Variants in FBXO25 observed in about 807,000 individuals in gnomAD.
FBXO25 encodes the protein F-box protein 25.
FBXO25 carries 45 observed loss-of-function variants against 51.9 expected under a neutral mutation model. That is an observed-to-expected ratio of 0.87 (90% confidence interval 0.68 to 1.11). The LOEUF is 1.11. Ranked by LOEUF, FBXO25 falls within the 50% of genes most tolerant of loss-of-function variation. FBXO25 has a pLI of 0.00. For synonymous variants in FBXO25, 199 were observed against 151.0 expected (o/e 1.32, Z -2.33); for missense variants, 507 against 428.5 (o/e 1.18, Z -1.62).
intron 4 of FBXO25, among the ~76,000 whole-genome samples, chr8:434,174 C>G (rs572999773): frequency 1.3e-5 from 2 of 152,258 alleles, no homozygotes; most frequent in South Asian, 2.1e-4. Flanking sequence ...CGTCATGTCT[C>G]CATACCCTCA....
At chr8:442,977 A>G (rs750119339) in intron 5 of FBXO25, among the ~76,000 whole-genome samples, 1 of 152,206 alleles carries the variant, frequency 6.6e-6, no homozygotes, top group Non-Finnish European at 1.5e-5. Flanking sequence ...TTAGCAAAGT[A>G]TGTTAACGCT....
At chr8:415,719 G>A (rs1449432916) in intron 2 of FBXO25, among the ~76,000 whole-genome samples, 2 of 152,172 alleles carry the variant, frequency 1.3e-5, no homozygotes, top group East Asian at 1.9e-4. Flanking sequence ...GGGAAATGGT[G>A]TAAGTAAATA....
rs1798061379 is a variant in FBXO25 at position 435,634 on chromosome 8, T to TG, written c.311dup (p.Glu105ArgfsTer4). The stretch of plus-strand genomic sequence containing the variant: ...TTCCAGAGGCATGGCTATTGCACCT[T>TG]GGGAGAAGCCTTTAATCGGTTAGAC... On this transcript the variant is annotated frameshift_variant, in exon 5 of 10. Transcript: ENST00000350302. LOFTEE classifies it high-confidence loss of function. The TG allele has an allele frequency of 6.2e-7, 1 of 1,606,258 alleles. No individual in the cohort carries two copies. The highest frequency in any genetic ancestry group is 1.1e-5 in the South Asian group (1 of 89,032).
At chr8:468,278 T>C (rs1218452069) in intron 9 of FBXO25, 3 of 1,015,480 alleles carry the variant, frequency 3.0e-6, no homozygotes, top group Non-Finnish European at 3.5e-6. Context: ...CCCAAGCTGA[T>C]TCAGGGATGA....
intron 2 of FBXO25, among the ~76,000 whole-genome samples, chr8:417,369 A>G (rs1487941192): frequency 3.3e-5 from 5 of 152,184 alleles, no homozygotes. Flanking sequence ...GGTTGGGTTA[A>G]CCCCCATGGG....
intron 9 of FBXO25, chr8:467,995 ACACTT>A (rs1800295669): frequency 2.2e-6 from 3 of 1,342,940 alleles, no homozygotes; most frequent in Non-Finnish European, 2.9e-6. Context: ...GTGCGCATAA[ACACTT>A]CACCACACAG....
At chr8:428,895 C>T (rs139048432) in intron 2 of FBXO25, among the ~76,000 whole-genome samples, 6,287 of 152,250 alleles carry the variant, frequency 0.041, 175 homozygotes, top group African/African-American at 0.078. Context: ...GAATAATATT[C>T]CATATTGTGT....
Position 476,670 on chromosome 8 carries a change from TA to T in FBXO25, c.*7867del, listed in dbSNP as rs1371740803. On this transcript the variant is annotated 3_prime_UTR_variant, in exon 10 of 10. Transcript: ENST00000350302. ...TGCTCATAGTACTCTTAATCCTTTT[TA>T]TTTCTGTAAAATCAGTTGTAATGTC... 3.9e-5 allele frequency: 6 copies of T among 152,182 alleles called. No individual in the cohort carries two copies. Among genetic ancestry groups the T allele is most frequent in the Non-Finnish European group, 1.5e-5 (1 of 68,028 alleles). The allele number at this position is 152,182 out of a possible 1,614,324, so 9.4% of individuals were successfully genotyped here.
At chr8:458,813 C>T (rs1193426809) in intron 8 of FBXO25, among the ~76,000 whole-genome samples, 1 of 152,210 alleles carries the variant, frequency 6.6e-6, no homozygotes, top group Non-Finnish European at 1.5e-5. Context: ...CTTTTCTCTC[C>T]TGTTGATAAC....
chr8:468,987 G>A lies in FBXO25; in HGVS notation c.*183G>A. ...TGCATTTTCATCACTGAAAGTCAGA[G>A]GCCAAGGAAATCATTTCTACTTCTT... On this transcript the variant is annotated 3_prime_UTR_variant, in exon 10 of 10. Transcript: ENST00000350302. The A allele has an allele frequency of 1.8e-6, 1 of 564,660 alleles. No individual in the cohort carries two copies. Among genetic ancestry groups the A allele is most frequent in the Non-Finnish European group, 3.1e-6 (1 of 323,782 alleles). 35.0% of individuals were successfully genotyped at this position (564,660 alleles called of 1,614,324 possible).
In FBXO25 at chr8:436,612, G is replaced by C. The variant is rs572647215; in HGVS notation, c.381+905G>C. 7.9e-5 allele frequency among the ~76,000 whole-genome samples: 12 copies of C among 152,266 alleles called. No homozygotes were observed. In the East Asian group the frequency reaches 2.3e-3, roughly 29 times the overall value. On this transcript the variant is annotated intron_variant, in intron 5 of 9. Transcript: ENST00000350302. The stretch of plus-strand genomic sequence containing the variant: ...AGGCTGGACTTCCCTGGTGTTTTCT[G>C]AGTCCTCCTTTAGATATTTACACAC...
At chr8:441,670 A>G (rs899769519) in intron 5 of FBXO25, among the ~76,000 whole-genome samples, 3 of 152,236 alleles carry the variant, frequency 2.0e-5, no homozygotes, top group Non-Finnish European at 4.4e-5. Flanking sequence ...CAAATTTACA[A>G]GAAAAAAACA....
At chr8:416,707 C>G (rs1165951320) in intron 2 of FBXO25, among the ~76,000 whole-genome samples, 1 of 152,172 alleles carries the variant, frequency 6.6e-6, no homozygotes, top group African/African-American at 2.4e-5. Context: ...TTAGAGATGT[C>G]TCTGGTCTTA....
chr8:446,275 C>T (rs372755246), intron 5 of FBXO25, among the ~76,000 whole-genome samples: 5 of 152,196 alleles, frequency 3.3e-5, no homozygotes, highest in African/African-American at 1.2e-4. Context: ...ACTCACTCTG[C>T]CCTGACCCCT....
At chr8:435,262 C>T (rs998971293) in intron 4 of FBXO25, among the ~76,000 whole-genome samples, 1 of 152,036 alleles carries the variant, frequency 6.6e-6, no homozygotes, top group Admixed American at 6.6e-5. Context: ...TTTTTAGTTG[C>T]GTAGCCTAGA....
chr8:448,590 G>A (rs1464421341), intron 5 of FBXO25, among the ~76,000 whole-genome samples: 10 of 152,220 alleles, frequency 6.6e-5, no homozygotes, highest in African/African-American at 2.4e-4. Flanking sequence ...AGTTTCGGCT[G>A]GAGAAACAGT....
chr8:458,615 C>T, intron 8 of FBXO25, 64 bp downstream of exon 8: 3 of 1,469,164 alleles, frequency 2.0e-6, no homozygotes, highest in South Asian at 2.5e-5. Flanking sequence ...GGGGGCCATA[C>T]CCTATAAACT....
chr8:414,345 G>GT (rs1226368158), intron 2 of FBXO25, among the ~76,000 whole-genome samples: 33 of 152,062 alleles, frequency 2.2e-4, no homozygotes, highest in Admixed American at 2.1e-3. Context: ...TTTTATGGCA[G>GT]TTTTTTTAAA....
intron 5 of FBXO25, among the ~76,000 whole-genome samples, chr8:439,757 T>G (rs1037411141): frequency 1.3e-5 from 2 of 152,150 alleles, no homozygotes; most frequent in Non-Finnish European, 2.9e-5. Context: ...CTTCTCAGTA[T>G]CCCAAGGATC....
Sources: allele counts gnomAD v4.1 joint callset (sites outside exome capture counted in the v4.1 genomes callset), GRCh38; gene constraint gnomAD v4.1.1; transcripts MANE v1.5; gene names NCBI Gene and HGNC (gene_info 2026-07-23, HGNC 2026-07-21).